GABARAP: variants seen among roughly 807,000 people sequenced by gnomAD.
GABARAP encodes the protein GABA type A receptor-associated protein.
GABARAP carries 5 observed loss-of-function variants against 16.7 expected under a neutral mutation model. The observed-to-expected ratio is 0.30, with a 90% CI of 0.16 to 0.63. The LOEUF (loss-of-function observed/expected upper bound fraction) is 0.63, where lower values mean the gene tolerates loss of function less well. GABARAP is among the 20% of genes least tolerant of loss of function. The pLI is 0.82. For missense variants in GABARAP, 84 were observed against 146.6 expected, an observed-to-expected ratio of 0.57 and a Z score of 2.21; for synonymous variants, 45 against 52.7, an observed-to-expected ratio of 0.85 and a Z score of 0.64.
chr17:7,241,528 G>C, intron 2 of GABARAP, 68 bp from the exon 3 acceptor site: 2 of 1,330,690 alleles, frequency 1.5e-6, no homozygotes, highest in Non-Finnish European at 1.1e-6. Context: ...CAGCTGCTAG[G>C]TGGAGCCTCC....
rs2071767790 is a variant in GABARAP at position 7,240,775 on chromosome 17, A to C, written c.*79T>G. 1.1e-6 allele frequency: 1 copy of C among 903,196 alleles called. No homozygotes were observed. 55.9% of individuals were successfully genotyped at this position (903,196 alleles called of 1,614,324 possible). On this transcript the variant is annotated 3_prime_UTR_variant, in exon 4 of 4. Transcript: ENST00000302386. Reference sequence around the variant, plus strand: ...ATAAGGGAGGTGGTGTTTGAGCTTGAAGGAGGAGGAGGTCAAGAAAGGGGG... The same window carrying C: ...ATAAGGGAGGTGGTGTTTGAGCTTGCAGGAGGAGGAGGTCAAGAAAGGGGG...
chr17:7,241,649 T>A lies in GABARAP; in HGVS notation c.121A>T (p.Ile41Leu). The stretch of plus-strand genomic sequence containing the variant: ...TATTTCTTTTTGTCCAGGTCTCCTA[T>A]CCGAGCTTTGGGAGCCTTTTCTACT... ...VIVEKAPKARIGDLDKKKYLV... is the reference protein window; with the variant it reads ...VIVEKAPKARLGDLDKKKYLV... Residue 41 changes from isoleucine (I) to leucine (L), a missense_variant, in exon 2 of 4, where the codon ATA (isoleucine) becomes TTA (leucine). Ile to Leu is a conservative substitution (Grantham distance 5, BLOSUM62 2). Transcript: ENST00000302386. 1 of 1,612,120 alleles carries A rather than the reference T, an allele frequency of 6.2e-7. No individual in the cohort carries two copies. The highest frequency in any genetic ancestry group is 8.5e-7 in the Non-Finnish European group (1 of 1,178,226).
At position 7,240,016 on chromosome 17, in the gene GABARAP, A is replaced by G. The variant is rs1031958832; in HGVS notation, c.*838T>C. Reference sequence around the variant, plus strand: ...AGTCTAGCCAAGTGACATGCAACTGAGAACAGCCGTTTTACTAGCTTGCAC... The same window carrying G: ...AGTCTAGCCAAGTGACATGCAACTGGGAACAGCCGTTTTACTAGCTTGCAC... On this transcript the variant is annotated 3_prime_UTR_variant, in exon 4 of 4. Coordinates refer to ENST00000302386, the MANE Select transcript of GABARAP (RefSeq NM_007278.2). The G allele has an allele frequency of 3.3e-5, 5 of 152,240 alleles. No individual in the cohort carries two copies. Among genetic ancestry groups the G allele is most frequent in the Middle Eastern group, 3.2e-3 (1 of 316 alleles). 9.4% of individuals were successfully genotyped at this position (152,240 alleles called of 1,614,324 possible).
At chr17:7,241,764 G>A in intron 1 of GABARAP, 85 bp from the exon 2 acceptor site, 1 of 866,286 alleles carries the variant, frequency 1.2e-6, no homozygotes, top group South Asian at 1.3e-5. Flanking sequence ...AATATTCCTA[G>A]CACCTAAATC....
In GABARAP at chr17:7,240,729, A is replaced by G; in HGVS notation, c.*125T>C. 2 of 698,318 alleles carry G rather than the reference A, an allele frequency of 2.9e-6. No individual in the cohort carries two copies. The highest frequency in any genetic ancestry group is 5.2e-6 in the Non-Finnish European group (2 of 386,316). 43.3% of individuals were successfully genotyped at this position (698,318 alleles called of 1,614,324 possible). ...AGAGGCTGGAGAGAAAGCCACAAAC[A>G]TTAAGAAGTGCCGGTCCTGAATAAG... is the stretch of plus-strand genomic sequence containing the variant. On this transcript the variant is annotated 3_prime_UTR_variant, in exon 4 of 4. Coordinates refer to ENST00000302386, the MANE Select transcript of GABARAP (RefSeq NM_007278.2).
At chr17:7,241,728 C>G in intron 1 of GABARAP, 49 bp from the exon 2 acceptor site, 2 of 1,106,030 alleles carry the variant, frequency 1.8e-6, no homozygotes, top group Non-Finnish European at 2.8e-6. Context: ...AGCCCCGAAG[C>G]TGCACCTGTC....
Position 7,240,627 on chromosome 17 carries a change from G to A in GABARAP, c.*227C>T, listed in dbSNP as rs1387824125. On this transcript the variant is annotated 3_prime_UTR_variant, in exon 4 of 4. Coordinates refer to ENST00000302386, the MANE Select transcript of GABARAP (RefSeq NM_007278.2). ...AATCAAGAAGTCTACAGCAGGATGG[G>A]AAAGGCGGGCAGAGAAAGGGGAAGA... is the stretch of plus-strand genomic sequence containing the variant. 9.6e-6 allele frequency: 5 copies of A among 519,126 alleles called. No homozygotes were observed. In the East Asian group the frequency reaches 1.7e-4, roughly 17 times the overall value. The allele number at this position is 519,126 out of a possible 1,614,324, so 32.2% of individuals were successfully genotyped here.
In GABARAP at chr17:7,242,324, A is replaced by G; in HGVS notation, c.7T>C (p.Phe3Leu). 1 of 1,613,204 alleles carries G rather than the reference A, an allele frequency of 6.2e-7. No homozygotes were observed. The highest frequency in any genetic ancestry group is 8.5e-7 in the Non-Finnish European group (1 of 1,179,390). Reference sequence around the variant, plus strand: ...AACGGATGCTCTTCTTTGTACACGAACTTCATCCTCCCGGGAACCGGGCTG... The same window carrying G: ...AACGGATGCTCTTCTTTGTACACGAGCTTCATCCTCCCGGGAACCGGGCTG... MKFVYKEEHPFEK... is the reference protein window; with the variant it reads MKLVYKEEHPFEK... Residue 3 changes from phenylalanine to leucine, a missense_variant, in exon 1 of 4, where the codon TTC becomes CTC. Coordinates refer to ENST00000302386, the MANE Select transcript of GABARAP (RefSeq NM_007278.2).
chr17:7,241,663 GC>G lies in GABARAP; in HGVS notation c.106del (p.Ala36LeufsTer6), dbSNP rs2071780113. ...PDRVPVIVEK[A>X]PKARIGDLDK... ...CAGGTCTCCTATCCGAGCTTTGGGA[GC>G]CTTTTCTACTATCACCTGATAAAGA... On this transcript the variant is annotated frameshift_variant, in exon 2 of 4. Coordinates refer to ENST00000302386, the MANE Select transcript of GABARAP (RefSeq NM_007278.2). LOFTEE classifies it high-confidence loss of function. The G allele has an allele frequency of 6.2e-7, 1 of 1,606,740 alleles. No individual in the cohort carries two copies. The highest frequency in any genetic ancestry group is 1.7e-5 in the Admixed American group (1 of 59,990).
chr17:7,241,559 C>CA (rs1567585108), intron 2 of GABARAP, 42 bp downstream of exon 2: 2 of 1,460,748 alleles, frequency 1.4e-6, no homozygotes, highest in East Asian at 2.3e-5. Flanking sequence ...ACTGCACTCC[C>CA]ACCCACAGGA....
rs1036071537 is a variant in GABARAP at position 7,241,336 on chromosome 17, C to T, written c.288+6G>A. The T allele has an allele frequency of 4.6e-6, 6 of 1,294,916 alleles. No homozygotes were observed. Among genetic ancestry groups the T allele is most frequent in the Non-Finnish European group, 6.7e-6 (6 of 889,294 alleles). 80.2% of individuals were successfully genotyped at this position (1,294,916 alleles called of 1,614,324 possible). On this transcript the variant is annotated splice_donor_region_variant and intron_variant, in intron 3 of 3. Coordinates refer to ENST00000302386, the MANE Select transcript of GABARAP (RefSeq NM_007278.2). Reference sequence around the variant, plus strand: ...CAAAGCCTCCACCACTTCCCAGTCACCATACCTGGTACAGCTGACCCATTG... The same window carrying T: ...CAAAGCCTCCACCACTTCCCAGTCATCATACCTGGTACAGCTGACCCATTG...
At chr17:7,241,156 G>A in intron 3 of GABARAP, 186 bp downstream of exon 3, 2 of 680,714 alleles carry the variant, frequency 2.9e-6, no homozygotes, top group South Asian at 1.7e-5. Context: ...AGTTTCTCTA[G>A]CTCACTGTTC....
Position 7,240,168 on chromosome 17 carries a change from ATT to A in GABARAP, c.*684_*685del, listed in dbSNP as rs1174222757. On this transcript the variant is annotated 3_prime_UTR_variant, in exon 4 of 4. Transcript: ENST00000302386. ...TTTTTTTTACATGAGCATTTTTAAC[ATT>A]TAGTTTCACATGCGTGTTATAAAAC... The A allele has an allele frequency of 6.6e-6, 1 of 152,210 alleles. No individual in the cohort carries two copies. Among genetic ancestry groups the A allele is most frequent in the East Asian group, 1.9e-4 (1 of 5,200 alleles). 9.4% of individuals were successfully genotyped at this position (152,210 alleles called of 1,614,324 possible).
Position 7,240,933 on chromosome 17 carries a change from AG to A in GABARAP, c.289-15del. 6.2e-7 allele frequency: 1 copy of A among 1,601,194 alleles called. No homozygotes were observed. The highest frequency in any genetic ancestry group is 8.6e-7 in the Non-Finnish European group (1 of 1,168,370). On this transcript the variant is annotated splice_polypyrimidine_tract_variant and intron_variant, in intron 3 of 3. Coordinates refer to ENST00000302386, the MANE Select transcript of GABARAP (RefSeq NM_007278.2). The stretch of plus-strand genomic sequence containing the variant: ...TTCATGGTGTTCCTGGGATGAAAGC[AG>A]AAAACTGTTCAGCAACTGGGCTCCA...
intron 1 of GABARAP, 195 bp downstream of exon 1, chr17:7,242,046 C>T (rs976563802): frequency 1.8e-5 from 11 of 605,952 alleles, no homozygotes; most frequent in African/African-American, 1.5e-4. Flanking sequence ...TCTCTCCTGT[C>T]CACATCCCTC....
intron 1 of GABARAP, chr17:7,241,929 T>G (rs2071782693): frequency 1.7e-6 from 1 of 595,280 alleles, no homozygotes; most frequent in South Asian, 2.0e-5. Context: ...GGAGGTGACT[T>G]GTTTGGGTCG....
At position 7,240,747 on chromosome 17, in the gene GABARAP, T is replaced by C; in HGVS notation, c.*107A>G. ...CACAAACATTAAGAAGTGCCGGTCC[T>C]GAATAAGGGAGGTGGTGTTTGAGCT... On this transcript the variant is annotated 3_prime_UTR_variant, in exon 4 of 4. Coordinates refer to ENST00000302386, the MANE Select transcript of GABARAP (RefSeq NM_007278.2). The C allele has an allele frequency of 1.3e-6, 1 of 754,654 alleles. No individual in the cohort carries two copies. The highest frequency in any genetic ancestry group is 2.5e-5 in the East Asian group (1 of 40,598). 46.7% of individuals were successfully genotyped at this position (754,654 alleles called of 1,614,324 possible). A position where few individuals can be genotyped will look rare whatever the true frequency, so the allele number is the denominator to read the frequency against.
At position 7,242,401 on chromosome 17, in the gene GABARAP, G is replaced by A. The variant is rs1250357838; in HGVS notation, c.-71C>T. ...GGGGGCCGGGACGGGGGGCGGCGAC[G>A]ACGGCGGCGACGCGCGGGCGGATTC... On this transcript the variant is annotated 5_prime_UTR_variant, in exon 1 of 4. Transcript: ENST00000302386. The A allele has an allele frequency of 8.9e-6, 10 of 1,120,380 alleles. No homozygotes were observed. The highest frequency in any genetic ancestry group is 7.6e-5 in the Admixed American group (4 of 52,736). 69.4% of individuals were successfully genotyped at this position (1,120,380 alleles called of 1,614,324 possible).
chr17:7,242,197 C>T, intron 1 of GABARAP, 44 bp downstream of exon 1: 1 of 1,406,012 alleles, frequency 7.1e-7, no homozygotes, highest in Non-Finnish European at 1.0e-6. Context: ...GCTGTGGCGT[C>T]AGCGTAAGCG....
Sources: allele counts gnomAD v4.1 joint callset, GRCh38; gene constraint gnomAD v4.1.1; transcripts MANE v1.5; gene names NCBI Gene and HGNC (gene_info 2026-07-23, HGNC 2026-07-21).